KIF21B: variants seen among roughly 807,000 people sequenced by gnomAD.
The protein encoded by KIF21B is kinesin family member 21B, also known as kinesin-like protein KIF21B.
A neutral mutation model predicts 192.9 loss-of-function variants in KIF21B; 85 were observed. The observed-to-expected ratio is 0.44, with a 90% CI of 0.37 to 0.53. The LOEUF (loss-of-function observed/expected upper bound fraction) is 0.53, where lower values mean the gene tolerates loss of function less well. Among genes scored for constraint, KIF21B ranks in the 20% least tolerant of loss-of-function variants. KIF21B has a pLI of 0.00. For synonymous variants in KIF21B, 832 were observed against 884.6 expected (o/e 0.94, Z 1.05); for missense variants, 1,716 against 2,194.8 (o/e 0.78, Z 4.36).
chr1:201,022,903 C>T (rs1350121903), intron 1 of KIF21B, among the ~76,000 whole-genome samples: 1 of 152,238 alleles, frequency 6.6e-6, no homozygotes, highest in Non-Finnish European at 1.5e-5. Context: ...GGTGGGTGTG[C>T]TGCCTTTGCT....
At chr1:200,974,273 G>A (rs1316683689) in intron 34 of KIF21B, 19 of 1,471,312 alleles carry the variant, frequency 1.3e-5, no homozygotes, top group Admixed American at 4.7e-5. Context: ...GGACAAAGTC[G>A]GAACAAGAAA....
intron 15 of KIF21B, 40 bp downstream of exon 15, chr1:200,996,156 A>G: frequency 6.4e-7 from 1 of 1,574,790 alleles, no homozygotes. Flanking sequence ...AAGATGTCAC[A>G]GGCACTCCAG....
intron 1 of KIF21B, among the ~76,000 whole-genome samples, chr1:201,021,315 G>A (rs1322750896): frequency 6.6e-6 from 1 of 152,240 alleles, no homozygotes; most frequent in African/African-American, 2.4e-5. Context: ...CGTGTGCCGG[G>A]GCTGGGCGCT....
chr1:201,021,347 G>A (rs1304035207), intron 1 of KIF21B, among the ~76,000 whole-genome samples: 1 of 152,234 alleles, frequency 6.6e-6, no homozygotes. Flanking sequence ...GGGAGGGGAG[G>A]AGTGGGCGGG....
At chr1:200,973,828 T>C in intron 34 of KIF21B, 2 of 1,431,048 alleles carry the variant, frequency 1.4e-6, no homozygotes, top group South Asian at 3.0e-5. Context: ...GGGTGTTTCG[T>C]TTTGTCCAGG....
At position 200,980,945 on chromosome 1, in the gene KIF21B, T is replaced by C. The variant is rs777850916; in HGVS notation, c.3979+15A>G. 2.5e-6 allele frequency: 4 copies of C among 1,606,478 alleles called. No homozygotes were observed. Among genetic ancestry groups the C allele is most frequent in the Admixed American group, 1.7e-5 (1 of 58,384 alleles). ...GAGACCCCAACCCTACCTGGCTAGT[T>C]GGCGTTCCACATACCTTTGGACCCT... On this transcript the variant is annotated intron_variant, in intron 29 of 34. Transcript: ENST00000461742.
At chr1:200,997,245 C>G (rs1416167154) in intron 14 of KIF21B, among the ~76,000 whole-genome samples, 1 of 152,186 alleles carries the variant, frequency 6.6e-6, no homozygotes, top group Admixed American at 6.5e-5. Context: ...AATGACATTT[C>G]TTCTCCGACC....
chr1:200,994,123 A>G (rs1272798707), intron 15 of KIF21B, among the ~76,000 whole-genome samples: 1 of 152,176 alleles, frequency 6.6e-6, no homozygotes, highest in African/African-American at 2.4e-5. Context: ...CCGACTTTGC[A>G]TGTGTAGCCA....
chr1:200,973,584 G>A lies in KIF21B; in HGVS notation c.4815-6C>T, dbSNP rs993947118. ...AGAACTTCACCGTCAGGTCACTGGGGTGGAGGACAAAGTGGAGGGGTGCCG... is the reference window on the plus strand; with the variant it reads ...AGAACTTCACCGTCAGGTCACTGGGATGGAGGACAAAGTGGAGGGGTGCCG... On this transcript the variant is annotated splice_polypyrimidine_tract_variant and splice_region_variant and intron_variant, in intron 34 of 34. Transcript: ENST00000461742. The A allele has an allele frequency of 2.0e-6, 3 of 1,521,142 alleles. No homozygotes were observed. The highest frequency in any genetic ancestry group is 2.6e-6 in the Non-Finnish European group (3 of 1,142,522). 94.2% of individuals were successfully genotyped at this position (1,521,142 alleles called of 1,614,324 possible).
chr1:201,003,219 T>C, intron 8 of KIF21B: 1 of 331,632 alleles, frequency 3.0e-6, no homozygotes, highest in Non-Finnish European at 5.8e-6. Context: ...TATCAACGAT[T>C]CTGTGCCAGT....
Position 201,004,364 on chromosome 1 carries a change from A to C in KIF21B, c.992T>G (p.Leu331Arg). Residue 331 changes from leucine to arginine, a missense_variant, in exon 7 of 35, where the codon CTC (leucine) becomes CGC (arginine). Coordinates refer to ENST00000461742, the MANE Select transcript of KIF21B (RefSeq NM_001252102.2). Reference protein sequence around the residue: ...PYRDSKLTRLLQDSLGGNSQT... With the variant: ...PYRDSKLTRLRQDSLGGNSQT... ...CCTGTTGCCCCCCAGCGAATCCTGG[A>C]GGAGCCGAGTGAGCTTGGAGTCCCT... 6.4e-7 allele frequency: 1 copy of C among 1,572,784 alleles called. No individual in the cohort carries two copies. Among genetic ancestry groups the C allele is most frequent in the African/African-American group, 1.3e-5 (1 of 74,402 alleles).
chr1:200,973,447 G>C lies in KIF21B; in HGVS notation c.*74C>G. On this transcript the variant is annotated 3_prime_UTR_variant, in exon 35 of 35. Coordinates refer to ENST00000461742, the MANE Select transcript of KIF21B (RefSeq NM_001252102.2). ...CCCAGAGCAGCTGGCCCCATCGGCC[G>C]GGTCACAGCTTCCCTTCCATGGTGT... 1.5e-6 allele frequency: 2 copies of C among 1,378,302 alleles called. No homozygotes were observed. Among genetic ancestry groups the C allele is most frequent in the Admixed American group, 7.4e-5 (2 of 26,954 alleles). 85.4% of individuals were successfully genotyped at this position (1,378,302 alleles called of 1,614,324 possible).
chr1:201,004,532 C>T (rs758868705), intron 6 of KIF21B, 77 bp from the exon 7 acceptor site: 1 of 1,295,598 alleles, frequency 7.7e-7, no homozygotes, highest in South Asian at 1.3e-5. Context: ...ATCCCCAACC[C>T]ATCTGTACCT....
intron 1 of KIF21B, among the ~76,000 whole-genome samples, chr1:201,012,898 C>A (rs1035985447): frequency 1.7e-4 from 26 of 152,302 alleles, no homozygotes; most frequent in African/African-American, 6.0e-4. Flanking sequence ...CCCACCTCGG[C>A]CTCCCAAAAT....
In KIF21B at chr1:200,987,196, C is replaced by T. The variant is rs1471767236; in HGVS notation, c.3414G>A (p.Glu1138=). The change falls in exon 25 of 35, where the codon GAG becomes GAA. Residue 1138 remains glutamate (E), a synonymous_variant. Transcript: ENST00000461742. The part of the protein sequence containing the change: ...TSHDDFKFKS[E]PKLSAQMKAV... Reference sequence around the variant, plus strand: ...CTTTCATTTGGGCAGACAGTTTGGGCTCGCTCTGGGAAAAGAAGAACAGGG... The same window carrying T: ...CTTTCATTTGGGCAGACAGTTTGGGTTCGCTCTGGGAAAAGAAGAACAGGG... 2 of 1,612,234 alleles carry T rather than the reference C, an allele frequency of 1.2e-6. No individual in the cohort carries two copies. Among genetic ancestry groups the T allele is most frequent in the Middle Eastern group, 1.6e-4 (1 of 6,070 alleles).
At position 200,998,605 on chromosome 1, in the gene KIF21B, C is replaced by T. The variant is rs759519945; in HGVS notation, c.1886-30G>A. ...GGGGGCACAATCAGGCTCAGCCCAG[C>T]GTTAGGGCGAGGGGCAAATTGGGGA... On this transcript the variant is annotated intron_variant, in intron 13 of 34. Transcript: ENST00000461742. The surrounding 1 kb of genome is among the most constrained non-coding windows in gnomAD (Gnocchi z 4.3). The T allele has an allele frequency of 2.9e-5, 47 of 1,600,678 alleles. No individual in the cohort carries two copies. Among genetic ancestry groups the T allele is most frequent in the African/African-American group, 2.8e-4 (21 of 74,672 alleles).
At chr1:200,974,307 A>G (rs533085554) in intron 34 of KIF21B, 3 of 1,279,486 alleles carry the variant, frequency 2.3e-6, no homozygotes, top group South Asian at 1.5e-5. Context: ...GTCGCACCCC[A>G]TGGGACAGAG....
intron 1 of KIF21B, among the ~76,000 whole-genome samples, chr1:201,018,548 G>A (rs1208107794): frequency 6.6e-6 from 1 of 152,210 alleles, no homozygotes; most frequent in Non-Finnish European, 1.5e-5. Flanking sequence ...AAGAAACTGA[G>A]GCATAGAGAC....
chr1:200,988,570 AG>A, intron 22 of KIF21B, 26 bp from the exon 23 acceptor site: 1 of 1,527,742 alleles, frequency 6.5e-7, no homozygotes. Context: ...AGGGAGGGAA[AG>A]GGGTTGAGAA....
Sources: gnomAD v4.1 joint callset for allele counts (sites outside exome capture counted in the v4.1 genomes callset) on GRCh38, gnomAD v4.1.1 for gene constraint, Gnocchi (gnomAD v3.1) non-coding constraint, MANE v1.5 for transcripts, NCBI Gene and HGNC (gene_info 2026-07-23, HGNC 2026-07-21) for gene names.